The following PRKN variants were observed in gnomAD, a reference collection of about 807,000 sequenced individuals.
The protein encoded by PRKN is parkin RBR E3 ubiquitin protein ligase, also known as E3 ubiquitin-protein ligase parkin.
Under a neutral mutation model 59.5 loss-of-function variants are expected in PRKN, and 56 were observed. That is an observed-to-expected ratio of 0.94 (90% CI 0.76 to 1.18). The LOEUF is 1.18. PRKN is among the 50% of genes most tolerant of loss of function. PRKN has a pLI of 0.00. For synonymous variants in PRKN, 250 were observed against 222.1 expected (o/e 1.13, Z -1.12); for missense variants, 657 against 596.4 (o/e 1.10, Z -1.06).
chr6:161,611,756 C>T (rs185775581), intron 7 of PRKN, among the ~76,000 whole-genome samples: 17 of 152,282 alleles, frequency 1.1e-4, no homozygotes, highest in Admixed American at 9.8e-4. Flanking sequence ...GGAAGAGTCA[C>T]ACAACTTCTA....
At chr6:162,315,432 C>G (rs1249981172) in intron 2 of PRKN, among the ~76,000 whole-genome samples, 1 of 152,130 alleles carries the variant, frequency 6.6e-6, no homozygotes, top group Non-Finnish European at 1.5e-5. Flanking sequence ...AAGCTATGAC[C>G]AACTGCCTCA....
At chr6:162,493,652 A>C (rs1375865419) in intron 1 of PRKN, among the ~76,000 whole-genome samples, 2 of 152,186 alleles carry the variant, frequency 1.3e-5, no homozygotes, top group Admixed American at 1.3e-4. Context: ...AAGTTTTTTG[A>C]ATTTGCATAT....
At chr6:162,493,632 G>T (rs1562328775) in intron 1 of PRKN, among the ~76,000 whole-genome samples, 1 of 152,142 alleles carries the variant, frequency 6.6e-6, no homozygotes, top group Non-Finnish European at 1.5e-5. Flanking sequence ...AGATAAATGG[G>T]GAATACTGAA....
In PRKN at chr6:161,423,464, A is replaced by G. The variant is rs1244508881; in HGVS notation, c.1084-36587T>C. ...TTCTGCACGTATTCATGCATGAAGA[A>G]CACACATTTGAACAGGGGCATAGGC... On this transcript the variant is annotated intron_variant, in intron 9 of 11. Transcript: ENST00000366898. This position sits in a 1 kb window ranked among gnomAD's most constrained non-coding sequence, Gnocchi z 5.9. Among the ~76,000 whole-genome samples, 4 of 152,212 alleles carry G rather than the reference A, an allele frequency of 2.6e-5. No individual in the cohort carries two copies. The highest frequency in any genetic ancestry group is 2.6e-4 in the Admixed American group (4 of 15,280).
Position 161,582,621 on chromosome 6 carries a change from G to T in PRKN, c.872-13205C>A, listed in dbSNP as rs1562540385. On this transcript the variant is annotated intron_variant, in intron 7 of 11. Coordinates refer to ENST00000366898, the MANE Select transcript of PRKN (RefSeq NM_004562.3). This position sits in a 1 kb window ranked among gnomAD's most constrained non-coding sequence, Gnocchi z 4.4. ...GTTTTGTAGTTTTAGTAGAGATGGGGTTTCACCATGTTAGCCAGGATGGTC... is the reference window on the plus strand; with the variant it reads ...GTTTTGTAGTTTTAGTAGAGATGGGTTTTCACCATGTTAGCCAGGATGGTC... Among the ~76,000 whole-genome samples the T allele has an allele frequency of 6.6e-6, 1 of 151,970 alleles. No homozygotes were observed. Among genetic ancestry groups the T allele is most frequent in the Non-Finnish European group, 1.5e-5 (1 of 68,008 alleles).
chr6:161,816,783 T>C (rs1213955279), intron 6 of PRKN, among the ~76,000 whole-genome samples: 2 of 152,116 alleles, frequency 1.3e-5, no homozygotes, highest in African/African-American at 2.4e-5. Flanking sequence ...AATTTTGCTA[T>C]TGAGCAACGT....
intron 1 of PRKN, among the ~76,000 whole-genome samples, chr6:162,600,951 G>A (rs1335280898): frequency 6.6e-6 from 1 of 152,068 alleles, no homozygotes; most frequent in Non-Finnish European, 1.5e-5. Context: ...TTTCTTTATA[G>A]TAGCGTAAGA....
chr6:162,546,244 T>C (rs1268066826), intron 1 of PRKN, among the ~76,000 whole-genome samples: 4 of 151,652 alleles, frequency 2.6e-5, no homozygotes, highest in Non-Finnish European at 4.4e-5. Context: ...CCTGGCATTA[T>C]AGGCGTGCGC....
chr6:162,132,686 T>C (rs1367325803), intron 4 of PRKN, among the ~76,000 whole-genome samples: 1 of 151,942 alleles, frequency 6.6e-6, no homozygotes. Flanking sequence ...CAGGGTCTGG[T>C]GTCAGGGGTA....
At chr6:162,366,222 T>C (rs1180439521) in intron 2 of PRKN, among the ~76,000 whole-genome samples, 1 of 152,244 alleles carries the variant, frequency 6.6e-6, no homozygotes, top group Non-Finnish European at 1.5e-5. Context: ...TTTATCACAT[T>C]TGTGTTTTAT....
At chr6:162,629,746 T>C (rs1229328416) in intron 1 of PRKN, among the ~76,000 whole-genome samples, 1 of 152,168 alleles carries the variant, frequency 6.6e-6, no homozygotes, top group African/African-American at 2.4e-5. Context: ...GTATTTCATA[T>C]AAGCCATATC....
At chr6:162,267,679 G>A (rs1017566100) in intron 2 of PRKN, among the ~76,000 whole-genome samples, 3 of 152,068 alleles carry the variant, frequency 2.0e-5, no homozygotes, top group East Asian at 1.9e-4. Context: ...TTCTGTAACC[G>A]GGTTTGGTCT....
At chr6:162,559,421 T>C (rs899028616) in intron 1 of PRKN, among the ~76,000 whole-genome samples, 3 of 152,074 alleles carry the variant, frequency 2.0e-5, no homozygotes, top group African/African-American at 7.2e-5. Flanking sequence ...AACATCCCAT[T>C]TGTGGATGTA....
chr6:161,739,314 G>A (rs1422616788), intron 7 of PRKN, among the ~76,000 whole-genome samples: 1 of 152,056 alleles, frequency 6.6e-6, no homozygotes, highest in East Asian at 1.9e-4. Flanking sequence ...TGGCTGAGGT[G>A]GGAGAATCGC....
chr6:162,175,043 G>GA (rs1450520368), intron 4 of PRKN, among the ~76,000 whole-genome samples: 3 of 152,322 alleles, frequency 2.0e-5, no homozygotes, highest in African/African-American at 7.2e-5. Context: ...GGACTTCACA[G>GA]AAAGTTTAAT....
chr6:162,235,975 AAG>A lies in PRKN; in HGVS notation c.412+26548_412+26549del, dbSNP rs1374314124. On this transcript the variant is annotated intron_variant, in intron 3 of 11. Transcript: ENST00000366898. ...GAAGAAAGGAAGAAAGAAAGAAAGA[AAG>A]AAAGAAAGAAAGAAAGAAAGAAAGA... 2.2e-3 allele frequency among the ~76,000 whole-genome samples: 246 copies of A among 110,572 alleles called. 12 individuals carry two copies. The highest frequency in any genetic ancestry group is 0.01 in the African/African-American group (220 of 21,806). 72.5% of individuals were successfully genotyped at this position (110,572 alleles called of 152,430 possible).
intron 10 of PRKN, among the ~76,000 whole-genome samples, chr6:161,364,287 C>T (rs1365372667): frequency 6.7e-6 from 1 of 149,152 alleles, no homozygotes; most frequent in East Asian, 2.0e-4. Context: ...GGTGAAACCC[C>T]GTCTCTACTA....
At position 162,262,782 on chromosome 6, in the gene PRKN, TAAAAAAAA is replaced by T. The variant is rs751742289; in HGVS notation, c.172-25_172-18del. Reference sequence around the variant, plus strand: ...GTCACAATTCTGTTTGGGAGCAAGGTAAAAAAAAAAAAAAAAAAAAAGGAAATGTCAAA... The same window carrying T: ...GTCACAATTCTGTTTGGGAGCAAGGTAAAAAAAAAAAAAGGAAATGTCAAA... On this transcript the variant is annotated intron_variant, in intron 2 of 11. Transcript: ENST00000366898. 1.1e-5 allele frequency: 15 copies of T among 1,360,196 alleles called. No homozygotes were observed. Among genetic ancestry groups the T allele is most frequent in the Admixed American group, 2.9e-5 (1 of 34,488 alleles). The allele number at this position is 1,360,196 out of a possible 1,614,324, so 84.3% of individuals were successfully genotyped here.
chr6:161,797,063 T>C (rs1462594648), intron 6 of PRKN, among the ~76,000 whole-genome samples: 1 of 152,164 alleles, frequency 6.6e-6, no homozygotes, highest in Non-Finnish European at 1.5e-5. Flanking sequence ...ATCAGTCCAG[T>C]GGCCATAAAT....
Sources: allele counts gnomAD v4.1 joint callset (sites outside exome capture counted in the v4.1 genomes callset), GRCh38; gene constraint gnomAD v4.1.1; non-coding constraint Gnocchi (gnomAD v3.1); transcripts MANE v1.5; gene names NCBI Gene and HGNC (gene_info 2026-07-23, HGNC 2026-07-21).